The following PAK6 variants were observed in gnomAD, a reference collection of about 807,000 sequenced individuals.
PAK6 encodes serine/threonine-protein kinase PAK 6.
A neutral mutation model predicts 60.8 loss-of-function variants in PAK6; 33 were observed. The ratio of observed to expected loss-of-function variants is 0.54; its 90% CI spans 0.41 to 0.73. The LOEUF is 0.73. Ranked by LOEUF, PAK6 falls within the 30% of genes least tolerant of loss-of-function variation. The pLI is 0.00. For synonymous variants in PAK6, 404 were observed against 378.5 expected (o/e 1.07, Z -0.78); for missense variants, 845 against 904.1 (o/e 0.93, Z 0.84).
At position 40,240,582 on chromosome 15, in the gene PAK6, T is replaced by TTG; in HGVS notation, c.-200-16_-200-15insGT. On this transcript the variant is annotated splice_polypyrimidine_tract_variant and intron_variant, in intron 1 of 10. Coordinates refer to ENST00000560346, the Ensembl canonical transcript of PAK6. ...TTTTCCTTTTTTTTTTTTTTTTTTT[T>TTG]TCTATTTTGCCTGAAGGGAGTGCCG... is the stretch of plus-strand genomic sequence containing the variant. The TTG allele has an allele frequency of 2.4e-6, 1 of 413,526 alleles. No individual in the cohort carries two copies. Among genetic ancestry groups the TTG allele is most frequent in the Non-Finnish European group, 4.7e-6 (1 of 214,460 alleles). The allele number at this position is 413,526 out of a possible 1,614,324, so 25.6% of individuals were successfully genotyped here.
intron 2 of PAK6, among the ~76,000 whole-genome samples, chr15:40,243,107 G>A (rs766262780): frequency 7.9e-4 from 120 of 152,340 alleles, no homozygotes; most frequent in African/African-American, 1.2e-3. Flanking sequence ...GAAGTTGGCA[G>A]CCATGACCCA....
intron 3 of PAK6, among the ~76,000 whole-genome samples, chr15:40,258,052 T>C (rs562260923): frequency 1.8e-4 from 28 of 152,318 alleles, no homozygotes; most frequent in African/African-American, 6.3e-4. Context: ...TGCCAGGCCC[T>C]GACCATCACA....
chr15:40,245,030 T>C (rs1196190619), intron 2 of PAK6: 1 of 152,280 alleles, frequency 6.6e-6, no homozygotes, highest in Non-Finnish European at 1.5e-5. Flanking sequence ...CCAAAAGTGC[T>C]GCCTCGGTCA....
chr15:40,263,951 G>A (rs1441743383), intron 3 of PAK6: 2 of 456,014 alleles, frequency 4.4e-6, no homozygotes, highest in South Asian at 3.1e-5. Flanking sequence ...CAATACCAGA[G>A]AGAAGAGTGT....
At chr15:40,255,004 G>A (rs750732934) in intron 3 of PAK6, among the ~76,000 whole-genome samples, 25 of 152,178 alleles carry the variant, frequency 1.6e-4, no homozygotes, top group Non-Finnish European at 2.1e-4. Flanking sequence ...GTGTTAAGGA[G>A]GTGAAATAGA....
Position 40,265,822 on chromosome 15 carries a change from C to G in PAK6, c.205-20C>G. 1.3e-6 allele frequency: 2 copies of G among 1,506,484 alleles called. No homozygotes were observed. The highest frequency in any genetic ancestry group is 2.8e-5 in the African/African-American group (2 of 71,596). 93.3% of individuals were successfully genotyped at this position (1,506,484 alleles called of 1,614,324 possible). A position where few individuals can be genotyped will look rare whatever the true frequency, so the allele number is the denominator to read the frequency against. On this transcript the variant is annotated intron_variant, in intron 4 of 10. Coordinates refer to ENST00000560346, the Ensembl canonical transcript of PAK6. ...CACAATTGGGCAGCTCCCACACACT[C>G]TTTTCTCTTCCCCCTACAGACAGTG...
chr15:40,245,054 T>A (rs1172286368), intron 2 of PAK6: 1 of 152,274 alleles, frequency 6.6e-6, no homozygotes. Context: ...AATCCCAGTG[T>A]CTCTCTGCCT....
chr15:40,277,043 A>C (rs555529904), exon 11 of PAK6: 1 of 152,328 alleles, frequency 6.6e-6, no homozygotes, highest in South Asian at 2.1e-4. Flanking sequence ...CAGGAATGTA[A>C]GGATTGGCAA....
In PAK6 at chr15:40,272,314, A is replaced by G. The variant is rs778909474; in HGVS notation, c.949A>G (p.Thr317Ala). The G allele has an allele frequency of 3.2e-5, 51 of 1,613,700 alleles. No individual in the cohort carries two copies. Among genetic ancestry groups the G allele is most frequent in the Non-Finnish European group, 4.2e-5 (50 of 1,179,994 alleles). Residue 317 changes from threonine to alanine, a missense_variant, in exon 6 of 11, where the codon ACC (threonine) becomes GCC (alanine). By Grantham distance (58) the Thr-to-Ala change is moderately conservative. Coordinates refer to ENST00000560346, the Ensembl canonical transcript of PAK6. Reference sequence around the variant, plus strand: ...CTTGCCCTCGGACCAGCCGGTGGGGACCTTCAGCCCTCTGACCACTTCGGA... The same window carrying G: ...CTTGCCCTCGGACCAGCCGGTGGGGGCCTTCAGCCCTCTGACCACTTCGGA...
exon 11 of PAK6, chr15:40,276,084 C>G: frequency 5.0e-6 from 8 of 1,613,722 alleles, no homozygotes; most frequent in Non-Finnish European, 6.8e-6. Flanking sequence ...AAGCAGACCT[C>G]CACCTGCTGA....
chr15:40,265,430 C>A (rs773484515), intron 4 of PAK6, among the ~76,000 whole-genome samples: 3 of 152,164 alleles, frequency 2.0e-5, no homozygotes, highest in Admixed American at 6.5e-5. Context: ...TTGGAGGCTG[C>A]GAAGCCAGTG....
At chr15:40,270,978 G>A (rs2039285554) in intron 5 of PAK6, among the ~76,000 whole-genome samples, 1 of 152,166 alleles carries the variant, frequency 6.6e-6, no homozygotes, top group Non-Finnish European at 1.5e-5. Flanking sequence ...TGGGGTTTGG[G>A]GTCCCTGAGC....
chr15:40,243,474 A>C (rs746177493), intron 2 of PAK6, among the ~76,000 whole-genome samples: 2 of 152,200 alleles, frequency 1.3e-5, no homozygotes, highest in Non-Finnish European at 2.9e-5. Context: ...ATAAGATAAT[A>C]AGTGAATGCT....
At chr15:40,272,881 G>A in exon 7 of PAK6, 1 of 1,613,982 alleles carries the variant, frequency 6.2e-7, no homozygotes, top group Non-Finnish European at 8.5e-7. Flanking sequence ...GATCATGCGG[G>A]ACTACCAGCA....
intron 1 of PAK6, 171 bp from the exon 2 acceptor site, chr15:40,240,428 C>T: frequency 2.9e-6 from 1 of 346,762 alleles, no homozygotes; most frequent in South Asian, 2.2e-5. Flanking sequence ...CCCCACACAG[C>T]TGGCAGCTTT....
chr15:40,270,133 C>G (rs1311411361), intron 5 of PAK6, among the ~76,000 whole-genome samples: 1 of 152,132 alleles, frequency 6.6e-6, no homozygotes, highest in African/African-American at 2.4e-5. Context: ...GAGCCCCGAG[C>G]CTTTCTACAG....
chr15:40,252,239 T>A, intron 2 of PAK6: 1 of 1,189,804 alleles, frequency 8.4e-7, no homozygotes, highest in Non-Finnish European at 1.1e-6. Context: ...CTCTGGAGCG[T>A]GCATCTGCGA....
chr15:40,246,518 C>T, intron 2 of PAK6: 1 of 152,376 alleles, frequency 6.6e-6, no homozygotes, highest in Non-Finnish European at 1.5e-5. Context: ...GGGAAGAATG[C>T]AAGGCCGCCA....
intron 10 of PAK6, among the ~76,000 whole-genome samples, chr15:40,274,705 C>T (rs1349038503): frequency 2.0e-5 from 3 of 152,256 alleles, no homozygotes; most frequent in African/African-American, 7.2e-5. Context: ...CACGGCGAGT[C>T]GGCTCATGCT....
Sources: allele counts gnomAD v4.1 joint callset (sites outside exome capture counted in the v4.1 genomes callset), GRCh38; gene constraint gnomAD v4.1.1; transcripts MANE v1.5; gene names NCBI Gene and HGNC (gene_info 2026-07-23, HGNC 2026-07-21).